The following PGBD1 variants were observed in gnomAD, a reference collection of about 807,000 sequenced individuals.
The protein encoded by PGBD1 is piggyBac transposable element derived 1, also known as piggyBac transposable element-derived protein 1.
Under a neutral mutation model 34.7 loss-of-function variants are expected in PGBD1, and 25 were observed. The ratio of observed to expected loss-of-function variants is 0.72; its 90% CI spans 0.52 to 1.00. The LOEUF (loss-of-function observed/expected upper bound fraction) is 1.00, where lower values mean the gene tolerates loss of function less well. Ranked by LOEUF, PGBD1 falls within the 50% of genes least tolerant of loss-of-function variation. The probability of loss-of-function intolerance (pLI) is 0.00; values close to 1 mark genes in which losing one functional copy is unlikely to be tolerated. For missense variants in PGBD1, 830 were observed against 959.4 expected, an observed-to-expected ratio of 0.87 and a Z score of 1.78; for synonymous variants, 292 against 335.7, an observed-to-expected ratio of 0.87 and a Z score of 1.42.
intron 2 of PGBD1, among the ~76,000 whole-genome samples, chr6:28,285,052 A>T (rs1762245750): frequency 6.6e-6 from 1 of 152,230 alleles, no homozygotes; most frequent in South Asian, 2.1e-4. Context: ...AATCTGGAGT[A>T]GCTGCTGTCT....
At chr6:28,295,589 A>G (rs1315506160) in intron 4 of PGBD1, among the ~76,000 whole-genome samples, 1 of 152,188 alleles carries the variant, frequency 6.6e-6, no homozygotes, top group Non-Finnish European at 1.5e-5. Flanking sequence ...CTACCAGCAA[A>G]AAGATCACAA....
rs1367747353 is a variant in PGBD1 at position 28,283,838 on chromosome 6, G to T, written c.25G>T (p.Ala9Ser). The change falls in exon 2 of 7, where the codon GCT becomes TCT. Residue 9 changes from alanine (A) to serine (S), a missense_variant. This residue lies in a region of PGBD1 where 457 missense variants were observed against 515.4 expected (regional missense o/e 0.89). Transcript: ENST00000682144. ...CATGTATGAAGCTTTGCCAGGCCCTGCTCCTGAAAATGAAGATGGCCTTGT... is the reference window on the plus strand; with the variant it reads ...CATGTATGAAGCTTTGCCAGGCCCTTCTCCTGAAAATGAAGATGGCCTTGT... MYEALPGP[A>S]PENEDGLVKV... 11 of 1,606,150 alleles carry T rather than the reference G, an allele frequency of 6.8e-6. No individual in the cohort carries two copies. Among genetic ancestry groups the T allele is most frequent in the Non-Finnish European group, 9.4e-6 (11 of 1,174,170 alleles).
chr6:28,294,135 T>A lies in PGBD1; in HGVS notation c.643-2681T>A, dbSNP rs1310377633. ...AAGCTTTTTGCTGATATGGAGAAAG[T>A]TTGAGTGGTTTGGATAGAAGATCAC... On this transcript the variant is annotated intron_variant, in intron 4 of 6. Coordinates refer to ENST00000682144, the MANE Select transcript of PGBD1 (RefSeq NM_032507.4). Among the ~76,000 whole-genome samples, 7 of 152,168 alleles carry A rather than the reference T, an allele frequency of 4.6e-5. No individual in the cohort carries two copies. In the East Asian group the frequency reaches 1.3e-3, roughly 29 times the overall value.
chr6:28,300,858 C>T lies in PGBD1; in HGVS notation c.1004C>T (p.Ala335Val), dbSNP rs768321344. 36 of 1,613,944 alleles carry T rather than the reference C, an allele frequency of 2.2e-5. No homozygotes were observed. The highest frequency in any genetic ancestry group is 8.5e-7 in the Non-Finnish European group (1 of 1,180,018). Residue 335 changes from alanine (A) to valine (V), a missense_variant, in exon 7 of 7, where the codon GCA (alanine) becomes GTA (valine). Coordinates refer to ENST00000682144, the MANE Select transcript of PGBD1 (RefSeq NM_032507.4). The surrounding 1 kb of genome is among the most constrained non-coding windows in gnomAD (Gnocchi z 4.0). ...CACATCTCATCCCTGGAATATGCTGCAGGAGACATTACCCGAAAAGGGAGA... is the reference window on the plus strand; with the variant it reads ...CACATCTCATCCCTGGAATATGCTGTAGGAGACATTACCCGAAAAGGGAGA... ...RMHISSLEYAAGDITRKGRKK... is the reference protein window; with the variant it reads ...RMHISSLEYAVGDITRKGRKK...
At chr6:28,293,463 T>A (rs1025389413) in intron 4 of PGBD1, among the ~76,000 whole-genome samples, 1 of 152,230 alleles carries the variant, frequency 6.6e-6, no homozygotes, top group Non-Finnish European at 1.5e-5. Context: ...CTTCCTTCAT[T>A]GTGTTTCACT....
chr6:28,285,546 T>C lies in PGBD1; in HGVS notation c.397-5T>C, dbSNP rs543715770. 6.2e-7 allele frequency: 1 copy of C among 1,613,474 alleles called. No homozygotes were observed. The highest frequency in any genetic ancestry group is 1.7e-5 in the Admixed American group (1 of 59,928). The stretch of plus-strand genomic sequence containing the variant: ...GCCCTTTCAAAATAAATCTTTTGTT[T>C]CCAGGCCTCTGTCTATATTCAGGGA... On this transcript the variant is annotated splice_region_variant and splice_polypyrimidine_tract_variant and intron_variant, in intron 2 of 6. Coordinates refer to ENST00000682144, the MANE Select transcript of PGBD1 (RefSeq NM_032507.4).
intron 6 of PGBD1, among the ~76,000 whole-genome samples, chr6:28,299,785 G>A (rs1396243285): frequency 4.6e-5 from 7 of 151,988 alleles, no homozygotes; most frequent in African/African-American, 1.2e-4. Context: ...AGTGGATCAC[G>A]AGGTCAGGAG....
At chr6:28,297,844 T>TAAAAAA in intron 5 of PGBD1, 51 bp from the exon 6 acceptor site, 3 of 324,848 alleles carry the variant, frequency 9.2e-6, no homozygotes, top group East Asian at 5.4e-5. Flanking sequence ...TTTTTTTTTT[T>TAAAAAA]TCAAAATTCA....
Position 28,301,860 on chromosome 6 carries a change from T to G in PGBD1, c.2006T>G (p.Met669Arg). The change falls in exon 7 of 7, where the codon ATG (methionine) becomes AGG (arginine). Residue 669 changes from methionine (M) to arginine (R), a missense_variant. Met to Arg is a moderately conservative substitution (Grantham distance 91, BLOSUM62 -1). Coordinates refer to ENST00000682144, the MANE Select transcript of PGBD1 (RefSeq NM_032507.4). ...PLMNVEHMKK[M>R]KRGYFDFRIE... The stretch of plus-strand genomic sequence containing the variant: ...ATGAATGTAGAACATATGAAAAAAA[T>G]GAAGAGAGGGTATTTTGATTTCCGA... The G allele has an allele frequency of 6.2e-7, 1 of 1,613,764 alleles. No homozygotes were observed.
chr6:28,294,425 A>C (rs1238454817), intron 4 of PGBD1, among the ~76,000 whole-genome samples: 3 of 152,224 alleles, frequency 2.0e-5, no homozygotes, highest in Admixed American at 2.0e-4. Context: ...TTTTCAATGA[A>C]GATGAAACCA....
At chr6:28,282,438 G>T (rs1046627561) in intron 1 of PGBD1, among the ~76,000 whole-genome samples, 3 of 152,156 alleles carry the variant, frequency 2.0e-5, no homozygotes, top group Admixed American at 6.5e-5. Flanking sequence ...TGTGTGTGAG[G>T]TATGTTGAAT....
chr6:28,291,735 A>G (rs1762460012), intron 4 of PGBD1, among the ~76,000 whole-genome samples: 1 of 152,184 alleles, frequency 6.6e-6, no homozygotes, highest in Non-Finnish European at 1.5e-5. Context: ...TCAACAACAC[A>G]TTAAAAAGAT....
rs1344615165 is a variant in PGBD1 at position 28,283,940 on chromosome 6, T to C, written c.127T>C (p.Cys43Arg). 6.2e-7 allele frequency: 1 copy of C among 1,614,052 alleles called. No homozygotes were observed. The highest frequency in any genetic ancestry group is 1.7e-5 in the Admixed American group (1 of 59,998). The change falls in exon 2 of 7, where the codon TGC (cysteine) becomes CGC (arginine). Residue 43 changes from cysteine (C) to arginine (R), a missense_variant. Around this residue, in one of 3 missense-constraint regions of PGBD1, gnomAD observed 457 missense variants for 515.4 expected, o/e 0.89. Transcript: ENST00000682144. The stretch of plus-strand genomic sequence containing the variant: ...GGGCAGCTCCCACACTCAGGAGATT[T>C]GCCGCCTGCGCTTTCGGCACTTCTG... ...QEGSSHTQEI[C>R]RLRFRHFCYQ...
intron 1 of PGBD1, among the ~76,000 whole-genome samples, chr6:28,282,419 G>T (rs1042404667): frequency 6.6e-6 from 1 of 152,194 alleles, no homozygotes; most frequent in Non-Finnish European, 1.5e-5. Context: ...AACTTTGTGT[G>T]TGTTTATGTG....
chr6:28,295,764 C>T (rs1170719088), intron 4 of PGBD1, among the ~76,000 whole-genome samples: 1 of 152,170 alleles, frequency 6.6e-6, no homozygotes, highest in Non-Finnish European at 1.5e-5. Context: ...ATTTCTGTGA[C>T]TTGCTTTATT....
rs1762209192 is a variant in PGBD1, at chr6:28,284,057, C to G, written c.244C>G (p.Gln82Glu). Residue 82 changes from glutamine to glutamate, a missense_variant, in exon 2 of 7, where the codon CAG (glutamine) becomes GAG (glutamate). Gln to Glu is a conservative substitution (Grantham distance 29). Around this residue, in one of 3 missense-constraint regions of PGBD1, gnomAD observed 457 missense variants for 515.4 expected, o/e 0.89. Transcript: ENST00000682144. ...WLRPEMHTKE[Q>E]IMELLVLEQF... is the part of the protein sequence containing the mutation. ...GAGACCGGAGATGCACACCAAGGAA[C>G]AGATAATGGAACTGCTGGTGCTGGA... is the stretch of plus-strand genomic sequence containing the variant. 1.9e-6 allele frequency: 3 copies of G among 1,614,062 alleles called. No individual in the cohort carries two copies. In the Admixed American group the frequency reaches 5.0e-5, roughly 27 times the overall value.
At chr6:28,289,174 A>G (rs1383896836) in intron 4 of PGBD1, among the ~76,000 whole-genome samples, 3 of 152,170 alleles carry the variant, frequency 2.0e-5, no homozygotes, top group East Asian at 1.9e-4. Flanking sequence ...ACTGTCCAGG[A>G]AAAAGAGAGG....
chr6:28,297,863 A>G (rs2743554), intron 5 of PGBD1, 32 bp from the exon 6 acceptor site: 47,824 of 574,732 alleles, frequency 0.083, 3,465 homozygotes, highest in African/African-American at 0.29. Flanking sequence ...CACATAACAG[A>G]TGACATTTAA....
chr6:28,296,095 A>C (rs952729945), intron 4 of PGBD1, among the ~76,000 whole-genome samples: 10 of 152,218 alleles, frequency 6.6e-5, no homozygotes, highest in African/African-American at 2.4e-4. Flanking sequence ...AGAGAGATAG[A>C]AAATCTCAGA....
Sources: allele counts gnomAD v4.1 joint callset (sites outside exome capture counted in the v4.1 genomes callset), GRCh38; gene constraint gnomAD v4.1.1; regional missense constraint gnomAD v4.1.1; non-coding constraint Gnocchi (gnomAD v3.1); transcripts MANE v1.5; gene names NCBI Gene and HGNC (gene_info 2026-07-23, HGNC 2026-07-21).